FAM171A1: variants seen among roughly 807,000 people sequenced by gnomAD.
The protein encoded by FAM171A1 is family with sequence similarity 171 member A1.
In FAM171A1, 23 loss-of-function variants were observed where a neutral mutation model predicts 74.9. The ratio of observed to expected loss-of-function variants is 0.31; its 90% CI spans 0.22 to 0.44. The LOEUF is 0.44. FAM171A1 is among the 20% of genes least tolerant of loss of function. FAM171A1 has a pLI of 1.00. For missense variants in FAM171A1, 1,162 were observed against 1,159.2 expected, an observed-to-expected ratio of 1.00 and a Z score of -0.03; for synonymous variants, 527 against 505.7, an observed-to-expected ratio of 1.04 and a Z score of -0.57.
intron 1 of FAM171A1, among the ~76,000 whole-genome samples, chr10:15,356,809 G>T (rs1282514018): frequency 1.3e-5 from 2 of 151,116 alleles, no homozygotes; most frequent in Non-Finnish European, 3.0e-5. Context: ...TGTCTCTACT[G>T]AAAATACAAA....
chr10:15,343,559 C>T (rs1835788299), intron 1 of FAM171A1, among the ~76,000 whole-genome samples: 1 of 152,184 alleles, frequency 6.6e-6, no homozygotes, highest in African/African-American at 2.4e-5. Context: ...GGGACAACAC[C>T]TGATGCTTTA....
intron 5 of FAM171A1, among the ~76,000 whole-genome samples, chr10:15,245,514 C>T (rs190674524): frequency 1.3e-5 from 2 of 152,246 alleles, no homozygotes; most frequent in African/African-American, 4.8e-5. Context: ...ATACATATAT[C>T]TCCTATTGGC....
intron 1 of FAM171A1, among the ~76,000 whole-genome samples, chr10:15,312,673 G>GTTTGT (rs1564274246): frequency 2.7e-5 from 1 of 36,382 alleles, no homozygotes; most frequent in Non-Finnish European, 4.7e-5. Context: ...AGCACTGTGT[G>GTTTGT]TTTTTTTTTT....
chr10:15,231,211 A>AT (rs967426514), intron 5 of FAM171A1, among the ~76,000 whole-genome samples: 298 of 147,600 alleles, frequency 2.0e-3, no homozygotes, highest in South Asian at 0.02. Flanking sequence ...TTCTTATTTT[A>AT]TTTTTTTTTT....
intron 1 of FAM171A1, among the ~76,000 whole-genome samples, chr10:15,370,385 A>G (rs765241239): frequency 6.6e-6 from 1 of 151,820 alleles, no homozygotes; most frequent in African/African-American, 2.4e-5. Flanking sequence ...GAACCCCCCA[A>G]ACTTTCCCAA....
intron 1 of FAM171A1, among the ~76,000 whole-genome samples, chr10:15,304,826 T>C (rs1287406788): frequency 6.6e-6 from 1 of 152,222 alleles, no homozygotes; most frequent in Non-Finnish European, 1.5e-5. Context: ...AACCTCTGCC[T>C]TCCAGGTTCA....
chr10:15,323,782 TGGAA>T (rs1412779397), intron 1 of FAM171A1, among the ~76,000 whole-genome samples: 1 of 152,002 alleles, frequency 6.6e-6, no homozygotes, highest in African/African-American at 2.4e-5. Flanking sequence ...CAATAAGAGT[TGGAA>T]GGAAGGAACA....
At chr10:15,345,304 G>A (rs1360654775) in intron 1 of FAM171A1, among the ~76,000 whole-genome samples, 3 of 152,186 alleles carry the variant, frequency 2.0e-5, no homozygotes, top group Non-Finnish European at 2.9e-5. Flanking sequence ...AATCTGGGGC[G>A]GGAAGTGTCC....
chr10:15,371,375 G>C (rs1248624617), upstream of FAM171A1, among the ~76,000 whole-genome samples: 23 of 146,078 alleles, frequency 1.6e-4, no homozygotes, highest in Non-Finnish European at 3.0e-5. Context: ...CTGCGGCGCC[G>C]AGGGCGCCCC....
chr10:15,248,954 C>A (rs1369507785), intron 4 of FAM171A1, 139 bp from the exon 5 acceptor site: 1 of 705,638 alleles, frequency 1.4e-6, no homozygotes, highest in East Asian at 2.9e-5. Context: ...CATACATAAT[C>A]CTCACCACAA....
intron 1 of FAM171A1, among the ~76,000 whole-genome samples, chr10:15,306,500 G>A (rs1835297167): frequency 6.6e-6 from 1 of 152,154 alleles, no homozygotes; most frequent in African/African-American, 2.4e-5. Flanking sequence ...GAGTAGCTGG[G>A]ACTACAGGCA....
At chr10:15,326,024 G>A (rs1300728762) in intron 1 of FAM171A1, among the ~76,000 whole-genome samples, 1 of 152,186 alleles carries the variant, frequency 6.6e-6, no homozygotes, top group African/African-American at 2.4e-5. Context: ...GGAGGTTCAA[G>A]ATTAGGAAAT....
In FAM171A1 at chr10:15,263,546, G is replaced by A. The variant is rs148104198; in HGVS notation, c.419-8667C>T. ...GAGCGCATTTTCAGATATAGTCTAC[G>A]TGGGGGAATATCCCTCTTGTTGACC... is the stretch of plus-strand genomic sequence containing the variant. On this transcript the variant is annotated intron_variant, in intron 3 of 7. Coordinates refer to ENST00000378116, the MANE Select transcript of FAM171A1 (RefSeq NM_001010924.2). Among the ~76,000 whole-genome samples the A allele has an allele frequency of 1.6e-3, 244 of 152,280 alleles. 2 individuals are homozygous for A. The highest frequency in any genetic ancestry group is 3.4e-4 in the Non-Finnish European group (23 of 68,034).
Position 15,288,813 on chromosome 10 carries a change from C to CTTTTTTTT in FAM171A1, c.98-4716_98-4709dup, listed in dbSNP as rs71505064. 6.1e-4 allele frequency among the ~76,000 whole-genome samples: 45 copies of CTTTTTTTT among 73,700 alleles called. 2 individuals carry two copies. The highest frequency in any genetic ancestry group is 7.2e-4 in the African/African-American group (15 of 20,808). The allele number at this position is 73,700 out of a possible 152,430, so 48.4% of individuals were successfully genotyped here. A position where few individuals can be genotyped will look rare whatever the true frequency, so the allele number is the denominator to read the frequency against. On this transcript the variant is annotated intron_variant, in intron 1 of 7. Transcript: ENST00000378116. ...AAAATGTCAGTATGATTCGGTAATT[C>CTTTTTTTT]TTTTTTTTTTTTTTTTTTTTTTTTT...
At chr10:15,253,005 T>C (rs184555693) in intron 4 of FAM171A1, among the ~76,000 whole-genome samples, 1 of 152,140 alleles carries the variant, frequency 6.6e-6, no homozygotes, top group Admixed American at 6.5e-5. Context: ...TAAAACTTTG[T>C]TTTTTTGTTT....
intron 3 of FAM171A1, among the ~76,000 whole-genome samples, chr10:15,267,332 C>G (rs1197541142): frequency 6.6e-6 from 1 of 151,744 alleles, no homozygotes; most frequent in South Asian, 2.1e-4. Flanking sequence ...AGGCCAGGTG[C>G]GGTGGCTCAT....
chr10:15,233,989 C>G (rs1345609918), intron 5 of FAM171A1, among the ~76,000 whole-genome samples: 1 of 151,568 alleles, frequency 6.6e-6, no homozygotes, highest in Admixed American at 6.6e-5. Context: ...ACACTTAGGT[C>G]TTATGCAACC....
In FAM171A1 at chr10:15,257,540, T is replaced by G. The variant is rs117817263; in HGVS notation, c.419-2661A>C. The stretch of plus-strand genomic sequence containing the variant: ...GGCAACACATCTCTCTCCCCACTTG[T>G]GCAGGAGAATTTGGTCCCTGGCCAG... On this transcript the variant is annotated intron_variant, in intron 3 of 7. Transcript: ENST00000378116. 6.2e-3 allele frequency among the ~76,000 whole-genome samples: 948 copies of G among 152,230 alleles called. 49 individuals are homozygous for G. The East Asian group carries it at 0.12, about 20-fold the overall frequency.
At chr10:15,285,300 A>C (rs1008164975) in intron 1 of FAM171A1, among the ~76,000 whole-genome samples, 1 of 152,208 alleles carries the variant, frequency 6.6e-6, no homozygotes, top group Non-Finnish European at 1.5e-5. Flanking sequence ...TGGAGAGGCA[A>C]GTAAGGCCAG....
Sources: gnomAD v4.1 joint callset for allele counts (sites outside exome capture counted in the v4.1 genomes callset) on GRCh38, gnomAD v4.1.1 for gene constraint, MANE v1.5 for transcripts, NCBI Gene and HGNC (gene_info 2026-07-23, HGNC 2026-07-21) for gene names.